Variants in NRG3 observed in about 807,000 individuals in gnomAD.
NRG3 encodes pro-neuregulin-3, membrane-bound isoform.
Under a neutral mutation model 66.9 loss-of-function variants are expected in NRG3, and 31 were observed. The observed-to-expected ratio is 0.46, with a 90% CI of 0.35 to 0.63. NRG3 has a LOEUF of 0.63. NRG3 is among the 20% of genes least tolerant of loss of function. The pLI, the probability that NRG3 is intolerant of heterozygous loss-of-function variation, is 0.00. For synonymous variants in NRG3, 393 were observed against 359.4 expected (o/e 1.09, Z -1.06); for missense variants, 910 against 878.9 (o/e 1.04, Z -0.45).
chr10:82,748,804 T>G (rs2058744597), intron 3 of NRG3, among the ~76,000 whole-genome samples: 1 of 150,996 alleles, frequency 6.6e-6, no homozygotes, highest in Non-Finnish European at 1.5e-5. Context: ...AATAAATACA[T>G]AAATAAATAA....
chr10:82,730,103 T>TG (rs2057820849), intron 2 of NRG3, among the ~76,000 whole-genome samples: 1 of 143,784 alleles, frequency 7.0e-6, no homozygotes, highest in African/African-American at 2.7e-5. Flanking sequence ...TTTTTTTTTT[T>TG]GAGACGGAGT....
Position 82,588,534 on chromosome 10 carries a change from G to A in NRG3, c.954-150043G>A, listed in dbSNP as rs1303944168. Among the ~76,000 whole-genome samples the A allele has an allele frequency of 5.3e-5, 8 of 151,434 alleles. 1 individual carries two copies. The highest frequency in any genetic ancestry group is 4.2e-4 in the South Asian group (2 of 4,800). ...TTTTTCTTTTTTGAGATGGAGTCTC[G>A]CTCTGTCGCCCAGGCTGGAGTGCAG... On this transcript the variant is annotated intron_variant, in intron 2 of 8. Transcript: ENST00000372141.
At chr10:81,978,676 C>T (rs1427632836) in intron 1 of NRG3, among the ~76,000 whole-genome samples, 4 of 151,954 alleles carry the variant, frequency 2.6e-5, no homozygotes, top group African/African-American at 4.8e-5. Context: ...ATCTTATTTT[C>T]GTAAACTCTT....
At chr10:82,392,967 GTTGT>G (rs911121898) in intron 2 of NRG3, among the ~76,000 whole-genome samples, 11 of 151,880 alleles carry the variant, frequency 7.2e-5, no homozygotes, top group Middle Eastern at 3.4e-3. Context: ...GATTAAGAAA[GTTGT>G]TTGTTGAAGA....
chr10:82,241,915 A>C (rs1210065202), intron 1 of NRG3, among the ~76,000 whole-genome samples: 1 of 152,138 alleles, frequency 6.6e-6, no homozygotes, highest in East Asian at 1.9e-4. Flanking sequence ...TTCTCACCAT[A>C]TGACTCTGAG....
intron 2 of NRG3, among the ~76,000 whole-genome samples, chr10:82,429,862 C>T (rs2089683234): frequency 6.6e-6 from 1 of 152,104 alleles, no homozygotes; most frequent in Non-Finnish European, 1.5e-5. Flanking sequence ...ATGGATCTAT[C>T]TTTAAGTTCA....
At chr10:82,148,107 C>A (rs193063686) in intron 1 of NRG3, among the ~76,000 whole-genome samples, 3 of 152,240 alleles carry the variant, frequency 2.0e-5, no homozygotes, top group East Asian at 3.9e-4. Flanking sequence ...GTGTTGTGAT[C>A]AAATTTTCTC....
chr10:82,092,552 AT>A (rs1290586542), intron 1 of NRG3, among the ~76,000 whole-genome samples: 2 of 151,664 alleles, frequency 1.3e-5, no homozygotes, highest in Non-Finnish European at 2.9e-5. Context: ...CCCTAAATTT[AT>A]TTCCACAAAG....
chr10:82,508,086 A>G (rs1844844515), intron 2 of NRG3, among the ~76,000 whole-genome samples: 1 of 152,188 alleles, frequency 6.6e-6, no homozygotes, highest in Non-Finnish European at 1.5e-5. Flanking sequence ...TGTGGGTTGT[A>G]TGTGCATTTA....
At chr10:82,352,101 A>AGT (rs1248311090) in intron 1 of NRG3, among the ~76,000 whole-genome samples, 1 of 152,244 alleles carries the variant, frequency 6.6e-6, no homozygotes, top group East Asian at 1.9e-4. Flanking sequence ...ATTTAGGGTT[A>AGT]GTGTGAGGAT....
intron 1 of NRG3, among the ~76,000 whole-genome samples, chr10:82,132,524 T>TATCATATATATATATCATA (rs1564593958): frequency 0.05 from 1,029 of 20,666 alleles, 206 homozygotes; most frequent in Non-Finnish European, 0.11. Flanking sequence ...ATGATATATA[T>TATCATATATATATATCATA]GATATATATA....
At chr10:82,283,462 C>T (rs2079233791) in intron 1 of NRG3, among the ~76,000 whole-genome samples, 1 of 152,126 alleles carries the variant, frequency 6.6e-6, no homozygotes, top group Non-Finnish European at 1.5e-5. Flanking sequence ...TTTTCCTATG[C>T]AACCTTGATT....
chr10:82,295,465 GAGCCCCTCT>G lies in NRG3; in HGVS notation c.824-63273_824-63265del, dbSNP rs1299071014. On this transcript the variant is annotated intron_variant, in intron 1 of 8. Transcript: ENST00000372141. The stretch of plus-strand genomic sequence containing the variant: ...TATCGAGGGTACATTTTTAATAGAT[GAGCCCCTCT>G]GGGGTCTTGAGTAAAGTGAAGAATC... Among the ~76,000 whole-genome samples, 3 of 152,078 alleles carry G rather than the reference GAGCCCCTCT, an allele frequency of 2.0e-5. No individual in the cohort carries two copies. In the East Asian group the frequency reaches 5.8e-4, roughly 29 times the overall value.
intron 1 of NRG3, among the ~76,000 whole-genome samples, chr10:82,345,004 T>G (rs371188928): frequency 3.5e-5 from 4 of 113,978 alleles, no homozygotes; most frequent in East Asian, 3.1e-4. Context: ...TTTCTCCCAT[T>G]TTGTAGGTTG....
intron 1 of NRG3, among the ~76,000 whole-genome samples, chr10:82,167,176 G>T (rs999841245): frequency 5.3e-5 from 8 of 150,630 alleles, no homozygotes; most frequent in African/African-American, 1.7e-4. Flanking sequence ...TGCTTTTTTT[G>T]CATGCCTAGT....
At chr10:81,997,985 G>C (rs2061009739) in intron 1 of NRG3, among the ~76,000 whole-genome samples, 1 of 151,762 alleles carries the variant, frequency 6.6e-6, no homozygotes, top group South Asian at 2.1e-4. Flanking sequence ...AGCTGAGCAG[G>C]TCTGGGTGAT....
At chr10:81,977,205 T>C (rs534221895) in intron 1 of NRG3, among the ~76,000 whole-genome samples, 1 of 152,312 alleles carries the variant, frequency 6.6e-6, no homozygotes, top group South Asian at 2.1e-4. Context: ...CCTCATACTC[T>C]TGTAACAATC....
At chr10:82,348,607 G>A (rs1200528363) in intron 1 of NRG3, among the ~76,000 whole-genome samples, 40 of 146,186 alleles carry the variant, frequency 2.7e-4, no homozygotes, top group Non-Finnish European at 4.7e-4. Context: ...GAATCTGAAC[G>A]TTGGCCTGCC....
chr10:82,612,723 T>C (rs112290513), intron 2 of NRG3, among the ~76,000 whole-genome samples: 1 of 152,304 alleles, frequency 6.6e-6, no homozygotes, highest in African/African-American at 2.4e-5. Flanking sequence ...CTTCTTAGAT[T>C]TGCTACAAGA....
Sources: allele counts gnomAD v4.1 joint callset (sites outside exome capture counted in the v4.1 genomes callset), GRCh38; gene constraint gnomAD v4.1.1; transcripts MANE v1.5; gene names NCBI Gene and HGNC (gene_info 2026-07-23, HGNC 2026-07-21).